CDC73: variants seen among roughly 807,000 people sequenced by gnomAD.
CDC73 encodes the protein parafibromin.
In CDC73, 21 loss-of-function variants were observed where a neutral mutation model predicts 83.7. The ratio of observed to expected loss-of-function variants is 0.25; its 90% CI spans 0.18 to 0.36. The LOEUF (loss-of-function observed/expected upper bound fraction) is 0.36, where lower values mean the gene tolerates loss of function less well. Among genes scored for constraint, CDC73 ranks in the 10% least tolerant of loss-of-function variants. CDC73 has a pLI of 1.00. For synonymous variants in CDC73, 224 were observed against 212.9 expected (o/e 1.05, Z -0.45); for missense variants, 342 against 653.3 (o/e 0.52, Z 5.19).
At position 193,182,657 on chromosome 1, in the gene CDC73, C is replaced by T. The variant is rs548002889; in HGVS notation, c.973-21138C>T. 2.2e-4 allele frequency among the ~76,000 whole-genome samples: 34 copies of T among 152,162 alleles called. 1 individual carries two copies. The highest frequency in any genetic ancestry group is 7.7e-4 in the African/African-American group (32 of 41,514). ...ATATTTTAAAAAGGTTATGAGATGG[C>T]AATATGTGAGGTTCATGATGGCATA... On this transcript the variant is annotated intron_variant, in intron 10 of 16. Coordinates refer to ENST00000367435, the MANE Select transcript of CDC73 (RefSeq NM_024529.5).
At chr1:193,237,380 G>A (rs554039000) in intron 15 of CDC73, among the ~76,000 whole-genome samples, 57 of 152,182 alleles carry the variant, frequency 3.7e-4, no homozygotes, top group African/African-American at 1.3e-3. Context: ...CAGGGTGGTG[G>A]GAGAAATAGA....
intron 11 of CDC73, among the ~76,000 whole-genome samples, chr1:193,210,670 C>G (rs1285453854): frequency 2.0e-5 from 3 of 151,986 alleles, no homozygotes; most frequent in African/African-American, 7.3e-5. Flanking sequence ...GGGAGGATAG[C>G]TTGAGCTCAG....
intron 13 of CDC73, among the ~76,000 whole-genome samples, chr1:193,217,349 A>G (rs773783372): frequency 2.1e-4 from 32 of 152,260 alleles, no homozygotes; most frequent in Admixed American, 5.9e-4. Flanking sequence ...ACTCTGCTCT[A>G]TCGCAGAGTT....
At chr1:193,234,175 TCACACACACACA>T (rs71111461) in intron 14 of CDC73, among the ~76,000 whole-genome samples, 4,177 of 101,252 alleles carry the variant, frequency 0.041, 103 homozygotes, top group South Asian at 0.066. Context: ...TCTCTCTCTC[TCACACACACACA>T]CACACACACA....
chr1:193,186,254 C>G (rs1043369151), intron 10 of CDC73: 1 of 152,532 alleles, frequency 6.6e-6, no homozygotes, highest in Admixed American at 6.6e-5. Context: ...TTCATTTTCT[C>G]TCTTTCGTTA....
At chr1:193,181,674 G>A in intron 10 of CDC73, 2 of 1,030,908 alleles carry the variant, frequency 1.9e-6, no homozygotes, top group South Asian at 1.8e-5. Context: ...TGTCTCTCTT[G>A]TAGTCATTCT....
chr1:193,213,825 AAGAAT>A (rs1677316972), intron 13 of CDC73, among the ~76,000 whole-genome samples: 2 of 152,186 alleles, frequency 1.3e-5, no homozygotes, highest in African/African-American at 4.8e-5. Flanking sequence ...CAGGTGCTTC[AAGAAT>A]ATCTCAAGCC....
intron 13 of CDC73, among the ~76,000 whole-genome samples, chr1:193,222,700 T>G (rs1383543607): frequency 6.6e-6 from 1 of 151,832 alleles, no homozygotes; most frequent in Non-Finnish European, 1.5e-5. Context: ...ATCTGCGTAT[T>G]GGTGTTTTTC....
intron 5 of CDC73, among the ~76,000 whole-genome samples, chr1:193,136,052 T>A (rs1017859066): frequency 3.9e-5 from 6 of 152,014 alleles, no homozygotes; most frequent in East Asian, 1.9e-4. Context: ...ATTTTTTTTT[T>A]AATAGAGACA....
intron 14 of CDC73, among the ~76,000 whole-genome samples, chr1:193,235,052 T>C (rs1437992515): frequency 6.6e-6 from 1 of 152,134 alleles, no homozygotes; most frequent in African/African-American, 2.4e-5. Flanking sequence ...ATGTCTGCAG[T>C]CGTCATTAAT....
At chr1:193,161,102 A>G (rs1338951114) in intron 10 of CDC73, 3 of 173,142 alleles carry the variant, frequency 1.7e-5, no homozygotes, top group Non-Finnish European at 2.5e-5. Flanking sequence ...CTTTAATTCT[A>G]AGTTTTGGTT....
chr1:193,184,730 T>G (rs535027627), intron 10 of CDC73, among the ~76,000 whole-genome samples: 40 of 151,982 alleles, frequency 2.6e-4, no homozygotes, highest in Non-Finnish European at 4.9e-4. Flanking sequence ...ACTTGAAATT[T>G]TTACAACCAT....
intron 10 of CDC73, among the ~76,000 whole-genome samples, chr1:193,172,966 C>G (rs1676543966): frequency 6.6e-6 from 1 of 152,060 alleles, no homozygotes; most frequent in African/African-American, 2.4e-5. Context: ...AGTACATAGT[C>G]AAAAAATATG....
At position 193,254,132 on chromosome 1, in the gene CDC73, A is replaced by T. The variant is rs1367515250; in HGVS notation, c.*3420A>T. 6.6e-6 allele frequency among the ~76,000 whole-genome samples: 1 copy of T among 151,834 alleles called. No homozygotes were observed. Among genetic ancestry groups the T allele is most frequent in the African/African-American group, 2.4e-5 (1 of 41,406 alleles). ...TAAGATAAGTCTTTTTAAATTTTTT[A>T]TTTTTAATTTTTTTGGAAGTTTATT... is the stretch of plus-strand genomic sequence containing the variant. On this transcript the variant is annotated 3_prime_UTR_variant, in exon 17 of 17. Transcript: ENST00000367435.
At chr1:193,243,302 AT>A (rs534369743) in intron 15 of CDC73, among the ~76,000 whole-genome samples, 2 of 152,118 alleles carry the variant, frequency 1.3e-5, no homozygotes, top group East Asian at 1.9e-4. Context: ...AATAGGAAAG[AT>A]TTTTTTTAAT....
intron 10 of CDC73, among the ~76,000 whole-genome samples, chr1:193,173,519 AAC>A (rs1277543183): frequency 2.6e-5 from 4 of 152,200 alleles, no homozygotes; most frequent in Admixed American, 6.5e-5. Context: ...ATGTAATCCT[AAC>A]ACACAGTTCA....
intron 10 of CDC73, among the ~76,000 whole-genome samples, chr1:193,163,463 C>T (rs984715170): frequency 7.9e-5 from 12 of 152,048 alleles, no homozygotes; most frequent in South Asian, 2.1e-4. Flanking sequence ...GCCATGATTG[C>T]GCCACCACAC....
chr1:193,217,469 G>A (rs766055149), intron 13 of CDC73, among the ~76,000 whole-genome samples: 2 of 152,006 alleles, frequency 1.3e-5, no homozygotes, highest in Non-Finnish European at 2.9e-5. Context: ...TTTTCCCCTG[G>A]AGTCCAGCCG....
chr1:193,210,971 C>G (rs114181227), intron 11 of CDC73, among the ~76,000 whole-genome samples: 1 of 152,326 alleles, frequency 6.6e-6, no homozygotes, highest in East Asian at 1.9e-4. Flanking sequence ...ATTCGCACTT[C>G]GCACAGTAGT....
Sources: gnomAD v4.1 joint callset for allele counts (sites outside exome capture counted in the v4.1 genomes callset) on GRCh38, gnomAD v4.1.1 for gene constraint, MANE v1.5 for transcripts, NCBI Gene and HGNC (gene_info 2026-07-23, HGNC 2026-07-21) for gene names.